The following DTWD2 variants were observed in gnomAD, a reference collection of about 807,000 sequenced individuals.
DTWD2 encodes the protein DTW motif tRNA-uridine aminocarboxypropyltransferase 2, also known as tRNA-uridine aminocarboxypropyltransferase 2.
In DTWD2, 39 loss-of-function variants were observed where a neutral mutation model predicts 31.8. The observed-to-expected ratio is 1.22, with a 90% CI of 0.95 to 1.60. The LOEUF is 1.60. DTWD2 is among the 40% of genes most tolerant of loss of function. The pLI, the probability that DTWD2 is intolerant of heterozygous loss-of-function variation, is 0.00. For missense variants in DTWD2, 515 were observed against 381.5 expected (o/e 1.35, Z -2.92); for synonymous variants, 180 against 142.8 (o/e 1.26, Z -1.86).
At chr5:118,945,937 T>A (rs1392485118) in intron 1 of DTWD2, among the ~76,000 whole-genome samples, 2 of 152,146 alleles carry the variant, frequency 1.3e-5, no homozygotes, top group African/African-American at 2.4e-5. Flanking sequence ...TCCAATACCA[T>A]ACATACAAGC....
chr5:118,975,318 G>C (rs1239078153), intron 1 of DTWD2, among the ~76,000 whole-genome samples: 1 of 151,860 alleles, frequency 6.6e-6, no homozygotes, highest in Non-Finnish European at 1.5e-5. Context: ...GATCGATTTG[G>C]CTACTGATAC....
intron 4 of DTWD2, among the ~76,000 whole-genome samples, chr5:118,882,790 G>A (rs1233366218): frequency 6.6e-6 from 1 of 152,250 alleles, no homozygotes; most frequent in Non-Finnish European, 1.5e-5. Context: ...GCTGCACAGA[G>A]CAGCAGGGCC....
intron 3 of DTWD2, among the ~76,000 whole-genome samples, chr5:118,934,673 G>A (rs187311020): frequency 6.6e-6 from 1 of 152,010 alleles, no homozygotes; most frequent in African/African-American, 2.4e-5. Flanking sequence ...TAACTGATAG[G>A]ACTAATAGAA....
chr5:118,942,448 GA>G (rs1754228321), intron 2 of DTWD2, among the ~76,000 whole-genome samples: 1 of 151,968 alleles, frequency 6.6e-6, no homozygotes. Flanking sequence ...ACACAGTGAT[GA>G]ATGAATCATC....
intron 3 of DTWD2, among the ~76,000 whole-genome samples, chr5:118,935,988 C>G (rs1253498844): frequency 6.6e-6 from 1 of 151,962 alleles, no homozygotes; most frequent in East Asian, 1.9e-4. Flanking sequence ...AGATCACATG[C>G]CAGAACACAA....
chr5:118,854,131 T>C (rs921835923), intron 4 of DTWD2, among the ~76,000 whole-genome samples: 8 of 152,272 alleles, frequency 5.3e-5, no homozygotes, highest in African/African-American at 1.9e-4. Context: ...TTATAAAAAT[T>C]ACAAATTTAG....
At chr5:118,895,757 T>G (rs887910365) in intron 4 of DTWD2, among the ~76,000 whole-genome samples, 1 of 152,084 alleles carries the variant, frequency 6.6e-6, no homozygotes, top group East Asian at 1.9e-4. Flanking sequence ...AGAACATACA[T>G]TGGGGAAAGG....
At chr5:118,848,046 A>G (rs1243639761) in intron 5 of DTWD2, 44 bp downstream of exon 5, 2 of 1,456,864 alleles carry the variant, frequency 1.4e-6, no homozygotes, top group Non-Finnish European at 1.8e-6. Flanking sequence ...GTAAAATCTA[A>G]GAAAACTCCC....
At position 118,838,572 on chromosome 5, in the gene DTWD2, A is replaced by T. The variant is rs1482692699; in HGVS notation, c.*2345T>A. The T allele has an allele frequency of 2.6e-5, 4 of 152,212 alleles. No individual in the cohort carries two copies. The highest frequency in any genetic ancestry group is 2.9e-5 in the Non-Finnish European group (2 of 68,034). 9.4% of individuals were successfully genotyped at this position (152,212 alleles called of 1,614,324 possible). A position where few individuals can be genotyped will look rare whatever the true frequency, so the allele number is the denominator to read the frequency against. On this transcript the variant is annotated 3_prime_UTR_variant, in exon 6 of 6. Transcript: ENST00000510708. ...TTACTTACAACTGTTTAATGAGAACAGGTGACTAGAGAAGCATTTTATACC... is the reference window on the plus strand; with the variant it reads ...TTACTTACAACTGTTTAATGAGAACTGGTGACTAGAGAAGCATTTTATACC...
chr5:118,891,176 CA>C (rs1394469351), intron 4 of DTWD2, among the ~76,000 whole-genome samples: 1 of 151,000 alleles, frequency 6.6e-6, no homozygotes, highest in Admixed American at 6.6e-5. Context: ...TTTCAAAATC[CA>C]TAAGAAAATT....
intron 4 of DTWD2, among the ~76,000 whole-genome samples, chr5:118,891,986 G>C (rs1752986401): frequency 6.6e-6 from 1 of 151,980 alleles, no homozygotes; most frequent in South Asian, 2.1e-4. Flanking sequence ...TTTTCTAACA[G>C]CCATATTTAA....
chr5:118,949,439 T>G (rs1382532818), intron 1 of DTWD2, among the ~76,000 whole-genome samples: 1 of 152,240 alleles, frequency 6.6e-6, no homozygotes, highest in Admixed American at 6.5e-5. Flanking sequence ...GTGTACGGGT[T>G]GGGCACTACA....
At chr5:118,915,429 C>T (rs1363975852) in intron 4 of DTWD2, among the ~76,000 whole-genome samples, 2 of 148,632 alleles carry the variant, frequency 1.3e-5, no homozygotes, top group African/African-American at 5.0e-5. Flanking sequence ...GGCTGGAGTG[C>T]AGTGGCGCAA....
intron 4 of DTWD2, among the ~76,000 whole-genome samples, chr5:118,851,460 G>A (rs949766708): frequency 2.0e-5 from 3 of 151,998 alleles, no homozygotes; most frequent in Non-Finnish European, 4.4e-5. Flanking sequence ...AGGGGAGGGG[G>A]TGTATGAACA....
At chr5:118,964,443 C>A (rs1754780878) in intron 1 of DTWD2, among the ~76,000 whole-genome samples, 1 of 152,036 alleles carries the variant, frequency 6.6e-6, no homozygotes, top group African/African-American at 2.4e-5. Context: ...TCCCTCTCCC[C>A]ACAGTCTCTG....
chr5:118,872,132 G>C (rs971800938), intron 4 of DTWD2, among the ~76,000 whole-genome samples: 1 of 151,960 alleles, frequency 6.6e-6, no homozygotes, highest in African/African-American at 2.4e-5. Context: ...CAGAATTGAA[G>C]AGAGTTAGAG....
chr5:118,892,353 G>T (rs1038756136), intron 4 of DTWD2, among the ~76,000 whole-genome samples: 6 of 151,956 alleles, frequency 3.9e-5, no homozygotes, highest in Non-Finnish European at 8.8e-5. Context: ...GACAAAATTG[G>T]TTCATCTTTT....
chr5:118,920,108 T>C (rs1350821354), intron 4 of DTWD2, among the ~76,000 whole-genome samples: 1 of 152,132 alleles, frequency 6.6e-6, no homozygotes, highest in Non-Finnish European at 1.5e-5. Flanking sequence ...CCACAGAACC[T>C]GTCCCTGGTG....
At chr5:118,883,623 A>C (rs958239358) in intron 4 of DTWD2, among the ~76,000 whole-genome samples, 33 of 152,206 alleles carry the variant, frequency 2.2e-4, no homozygotes, top group African/African-American at 8.0e-4. Flanking sequence ...AAGGGGAAGT[A>C]GGCACCTCTT....
Sources: allele counts gnomAD v4.1 joint callset (sites outside exome capture counted in the v4.1 genomes callset), GRCh38; gene constraint gnomAD v4.1.1; transcripts MANE v1.5; gene names NCBI Gene and HGNC (gene_info 2026-07-23, HGNC 2026-07-21).